Variants in CNTNAP2 observed in about 807,000 individuals in gnomAD.
The protein encoded by CNTNAP2 is contactin associated protein 2.
Under a neutral mutation model 155.2 loss-of-function variants are expected in CNTNAP2, and 98 were observed. The observed-to-expected ratio is 0.63, with a 90% confidence interval of 0.54 to 0.75. The LOEUF (loss-of-function observed/expected upper bound fraction) is 0.75, where lower values mean the gene tolerates loss of function less well. CNTNAP2 is among the 30% of genes least tolerant of loss of function. The probability of loss-of-function intolerance (pLI) is 0.00; values close to 1 mark genes in which losing one functional copy is unlikely to be tolerated. For synonymous variants in CNTNAP2, 651 were observed against 631.2 expected (o/e 1.03, Z -0.47); for missense variants, 1,727 against 1,688.1 (o/e 1.02, Z -0.40).
Position 148,415,767 on chromosome 7 carries a change from T to A in CNTNAP2, c.*151T>A. The A allele has an allele frequency of 2.5e-6, 2 of 806,844 alleles. No homozygotes were observed. The highest frequency in any genetic ancestry group is 1.8e-5 in the South Asian group (1 of 54,566). The allele number at this position is 806,844 out of a possible 1,614,324, so 50.0% of individuals were successfully genotyped here. ...GGCAATGGAATATAATGGAATATTC[T>A]TGAGACTGATCACAAAAAAAAAAAC... On this transcript the variant is annotated 3_prime_UTR_variant, in exon 24 of 24. Transcript: ENST00000361727.
intron 21 of CNTNAP2, among the ~76,000 whole-genome samples, chr7:148,331,551 TGG>T (rs1798013058): frequency 6.7e-6 from 1 of 149,786 alleles, no homozygotes; most frequent in Non-Finnish European, 1.5e-5. Context: ...AGTGGATGGA[TGG>T]AATGGACGGA....
chr7:148,010,890 G>A (rs1222471600), intron 15 of CNTNAP2, among the ~76,000 whole-genome samples: 1 of 151,986 alleles, frequency 6.6e-6, no homozygotes, highest in East Asian at 1.9e-4. Context: ...CTGTGCTAGT[G>A]ATACATCTTC....
intron 1 of CNTNAP2, among the ~76,000 whole-genome samples, chr7:146,762,699 G>T (rs941398173): frequency 1.3e-5 from 2 of 152,260 alleles, no homozygotes; most frequent in South Asian, 2.1e-4. Context: ...AAAGCAAAAA[G>T]ATTTAATGGG....
intron 1 of CNTNAP2, among the ~76,000 whole-genome samples, chr7:146,150,862 C>T (rs1442757864): frequency 6.6e-6 from 1 of 152,046 alleles, no homozygotes; most frequent in Non-Finnish European, 1.5e-5. Context: ...GATTTACTCT[C>T]TTATTAGTCC....
intron 20 of CNTNAP2, among the ~76,000 whole-genome samples, chr7:148,232,632 T>C (rs75374584): frequency 0.02 from 2,977 of 152,326 alleles, 100 homozygotes; most frequent in African/African-American, 0.068. Context: ...TTCAAATTAA[T>C]ATTTATTTAT....
chr7:148,068,814 G>A (rs1585108707), intron 15 of CNTNAP2, among the ~76,000 whole-genome samples: 1 of 152,264 alleles, frequency 6.6e-6, no homozygotes, highest in East Asian at 1.9e-4. Flanking sequence ...CCTTTCAGGT[G>A]AGTTTTCTCT....
chr7:148,160,966 C>A (rs115718661), intron 17 of CNTNAP2, among the ~76,000 whole-genome samples: 1,626 of 152,254 alleles, frequency 0.011, 27 homozygotes, highest in African/African-American at 0.037. Context: ...TTCTTCTAAT[C>A]TCTTTATTCA....
rs1321808393 is a variant in CNTNAP2 at position 146,937,271 on chromosome 7, G to C, written c.402+97367G>C. Among the ~76,000 whole-genome samples the C allele has an allele frequency of 2.0e-5, 3 of 151,144 alleles. No homozygotes were observed. The East Asian group carries it at 5.8e-4, about 29-fold the overall frequency. ...CAGGGTGTGGTGGCACGCGCCTGTAGTCCCGGGAGGTGGAGTTTGCAGTGA... is the reference window on the plus strand; with the variant it reads ...CAGGGTGTGGTGGCACGCGCCTGTACTCCCGGGAGGTGGAGTTTGCAGTGA... On this transcript the variant is annotated intron_variant, in intron 3 of 23. Coordinates refer to ENST00000361727, the MANE Select transcript of CNTNAP2 (RefSeq NM_014141.6).
intron 15 of CNTNAP2, among the ~76,000 whole-genome samples, chr7:148,115,099 C>T (rs1256610082): frequency 1.3e-5 from 2 of 152,312 alleles, no homozygotes; most frequent in South Asian, 2.1e-4. Context: ...ATGACTTCCC[C>T]GTGAATGAGT....
chr7:147,183,677 A>G (rs1278234449), intron 8 of CNTNAP2, among the ~76,000 whole-genome samples: 1 of 152,194 alleles, frequency 6.6e-6, no homozygotes, highest in Non-Finnish European at 1.5e-5. Flanking sequence ...AGCTTGGTGC[A>G]AAGGCATCAA....
rs57234097 is a variant in CNTNAP2 at position 146,125,581 on chromosome 7, C to CAAA, written c.97+8631_97+8633dup. Among the ~76,000 whole-genome samples the CAAA allele has an allele frequency of 1.9e-3, 112 of 58,820 alleles. 1 individual carries two copies. Among genetic ancestry groups the CAAA allele is most frequent in the African/African-American group, 4.7e-3 (74 of 15,714 alleles). The allele number at this position is 58,820 out of a possible 152,430, so 38.6% of individuals were successfully genotyped here. ...ACAGAGCAGAGCGAGACTCCGTCTC[C>CAAA]AAAAAAAAAAAAAAAAAAAAAAAAA... On this transcript the variant is annotated intron_variant, in intron 1 of 23. Transcript: ENST00000361727.
At chr7:146,634,637 A>G (rs565175743) in intron 1 of CNTNAP2, among the ~76,000 whole-genome samples, 1 of 152,340 alleles carries the variant, frequency 6.6e-6, no homozygotes, top group South Asian at 2.1e-4. Context: ...CATGCCAGTC[A>G]TTAGACACTG....
At chr7:146,794,403 A>G (rs991512371) in intron 2 of CNTNAP2, among the ~76,000 whole-genome samples, 1 of 152,220 alleles carries the variant, frequency 6.6e-6, no homozygotes, top group Admixed American at 6.5e-5. Context: ...TTTAATAATT[A>G]CAAGAGAATG....
intron 11 of CNTNAP2, among the ~76,000 whole-genome samples, chr7:147,509,116 A>G (rs139805467): frequency 6.6e-6 from 1 of 152,250 alleles, no homozygotes; most frequent in Non-Finnish European, 1.5e-5. Flanking sequence ...CTTTGTATGG[A>G]ATGCAAACTC....
chr7:146,857,216 G>GGAGAGA (rs61258419), intron 3 of CNTNAP2, among the ~76,000 whole-genome samples: 40 of 146,678 alleles, frequency 2.7e-4, no homozygotes, highest in African/African-American at 9.5e-4. Context: ...AGAAGGAGAG[G>GGAGAGA]GAGAGAGAGA....
At chr7:146,426,954 C>T (rs950473282) in intron 1 of CNTNAP2, among the ~76,000 whole-genome samples, 3 of 151,882 alleles carry the variant, frequency 2.0e-5, no homozygotes, top group African/African-American at 7.3e-5. Flanking sequence ...AATATCAAAA[C>T]GTCATGCTGT....
intron 1 of CNTNAP2, among the ~76,000 whole-genome samples, chr7:146,457,471 T>A (rs1796571770): frequency 1.1e-5 from 1 of 94,270 alleles, no homozygotes; most frequent in African/African-American, 3.8e-5. Flanking sequence ...CATTTATAGC[T>A]TCAAAAATGA....
chr7:146,385,075 A>G (rs1412654075), intron 1 of CNTNAP2, among the ~76,000 whole-genome samples: 3 of 152,172 alleles, frequency 2.0e-5, no homozygotes, highest in Non-Finnish European at 2.9e-5. Flanking sequence ...ATACATGTTA[A>G]GCTGAACTCA....
chr7:147,283,010 G>A (rs964878286), intron 8 of CNTNAP2, among the ~76,000 whole-genome samples: 3 of 151,896 alleles, frequency 2.0e-5, no homozygotes, highest in African/African-American at 7.2e-5. Context: ...TGTCTACTAT[G>A]CCATAGTCCA....
Sources: gnomAD v4.1 joint callset for allele counts (sites outside exome capture counted in the v4.1 genomes callset) on GRCh38, gnomAD v4.1.1 for gene constraint, MANE v1.5 for transcripts, NCBI Gene and HGNC (gene_info 2026-07-23, HGNC 2026-07-21) for gene names.